TRMT1L: variants seen among roughly 807,000 people sequenced by gnomAD.
TRMT1L encodes tRNA (guanine(27)-N(2))-dimethyltransferase.
Under a neutral mutation model 81.6 loss-of-function variants are expected in TRMT1L, and 28 were observed. That is an observed-to-expected ratio of 0.34 (90% CI 0.25 to 0.47). TRMT1L has a LOEUF of 0.47. Ranked by LOEUF, TRMT1L falls within the 20% of genes least tolerant of loss-of-function variation. The pLI, the probability that TRMT1L is intolerant of heterozygous loss-of-function variation, is 1.00. For synonymous variants in TRMT1L, 301 were observed against 303.2 expected (o/e 0.99, Z 0.07); for missense variants, 739 against 877.1 (o/e 0.84, Z 1.99).
chr1:185,124,928 G>A lies in TRMT1L; in HGVS notation c.1759+16C>T. On this transcript the variant is annotated intron_variant, in intron 12 of 14. Transcript: ENST00000367506. ...TAAGCAGTTTAAAGCTAGTAAGCTA[G>A]CGTTCAGTTAGTCACCTTGCTTGTT... 6.2e-7 allele frequency: 1 copy of A among 1,602,052 alleles called. No homozygotes were observed. The highest frequency in any genetic ancestry group is 8.5e-7 in the Non-Finnish European group (1 of 1,173,412).
chr1:185,130,503 T>C (rs536263693), intron 10 of TRMT1L, among the ~76,000 whole-genome samples: 3 of 152,278 alleles, frequency 2.0e-5, no homozygotes, highest in South Asian at 2.1e-4. Flanking sequence ...CTGAAATGGA[T>C]AGATGGGCAA....
At position 185,156,734 on chromosome 1, in the gene TRMT1L, C is replaced by G; in HGVS notation, c.-22G>C. 1.2e-6 allele frequency: 2 copies of G among 1,611,946 alleles called. No individual in the cohort carries two copies. Among genetic ancestry groups the G allele is most frequent in the Non-Finnish European group, 1.7e-6 (2 of 1,179,538 alleles). On this transcript the variant is annotated 5_prime_UTR_variant, in exon 1 of 15. Transcript: ENST00000367506. Reference sequence around the variant, plus strand: ...CCATAGTTACCGCCTCCGTGCCAAGCCCGCCCGGGGACCCGGAGCGGGGCT... The same window carrying G: ...CCATAGTTACCGCCTCCGTGCCAAGGCCGCCCGGGGACCCGGAGCGGGGCT...
chr1:185,146,111 T>C (rs1388981338), intron 4 of TRMT1L, among the ~76,000 whole-genome samples: 1 of 152,008 alleles, frequency 6.6e-6, no homozygotes, highest in East Asian at 1.9e-4. Context: ...ACAGATAATA[T>C]TAAAATACAG....
Position 185,120,287 on chromosome 1 carries a change from G to GAA in TRMT1L, c.1950-18_1950-17dup. ...CTTTTTTAACCTGCAAAAAGGAAAG[G>GAA]AAAGAAAAAATAATCAGGTTCTTGT... On this transcript the variant is annotated splice_polypyrimidine_tract_variant and intron_variant, in intron 14 of 14. Transcript: ENST00000367506. 1 of 1,508,186 alleles carries GAA rather than the reference G, an allele frequency of 6.6e-7. No individual in the cohort carries two copies. Among genetic ancestry groups the GAA allele is most frequent in the Non-Finnish European group, 8.9e-7 (1 of 1,129,628 alleles). The allele number at this position is 1,508,186 out of a possible 1,614,324, so 93.4% of individuals were successfully genotyped here.
At chr1:185,150,552 C>T (rs1653315872) in intron 2 of TRMT1L, 60 bp from the exon 3 acceptor site, 1 of 1,241,766 alleles carries the variant, frequency 8.1e-7, no homozygotes, top group Non-Finnish European at 1.2e-6. Flanking sequence ...TGCCTGGATT[C>T]AACTACAAAG....
intron 7 of TRMT1L, among the ~76,000 whole-genome samples, chr1:185,143,150 A>G (rs1653094813): frequency 6.6e-6 from 1 of 152,140 alleles, no homozygotes; most frequent in Non-Finnish European, 1.5e-5. Context: ...CTGAGCATGA[A>G]CCACTCATTT....
In TRMT1L at chr1:185,143,967, G is replaced by A. The variant is rs535319004; in HGVS notation, c.718C>T (p.Pro240Ser). 6.2e-7 allele frequency: 1 copy of A among 1,610,562 alleles called. No individual in the cohort carries two copies. Among genetic ancestry groups the A allele is most frequent in the South Asian group, 1.1e-5 (1 of 90,782 alleles). ...GTTTTCTGAGGTATAGAATAGTTGG[G>A]ACAAACTTGTACATCCGTGTCTGCC... is the stretch of plus-strand genomic sequence containing the variant. ...KEADTDVQVC[P>S]NYSIPQKTDS... Residue 240 changes from proline (P) to serine (S), a missense_variant, in exon 6 of 15, where the codon CCC becomes TCC. Pro to Ser is a moderately conservative substitution (Grantham distance 74, BLOSUM62 -1). This residue lies in a region of TRMT1L where 331 missense variants were observed against 462.2 expected (regional missense o/e 0.72). Coordinates refer to ENST00000367506, the MANE Select transcript of TRMT1L (RefSeq NM_030934.5).
In TRMT1L at chr1:185,156,741, G is replaced by T; in HGVS notation, c.-29C>A. On this transcript the variant is annotated 5_prime_UTR_variant, in exon 1 of 15. Transcript: ENST00000367506. ...TACCGCCTCCGTGCCAAGCCCGCCC[G>T]GGGACCCGGAGCGGGGCTCACGGCG... 6.2e-7 allele frequency: 1 copy of T among 1,611,164 alleles called. No individual in the cohort carries two copies. The highest frequency in any genetic ancestry group is 8.5e-7 in the Non-Finnish European group (1 of 1,179,246).
At chr1:185,139,615 T>C (rs1652985265) in intron 8 of TRMT1L, 36 bp from the exon 9 acceptor site, 1 of 1,445,138 alleles carries the variant, frequency 6.9e-7, no homozygotes, top group Non-Finnish European at 9.4e-7. Context: ...TTTAAAGTCA[T>C]ATTAGTAACA....
At chr1:185,121,835 C>T (rs552020177) in intron 13 of TRMT1L, among the ~76,000 whole-genome samples, 5 of 151,722 alleles carry the variant, frequency 3.3e-5, no homozygotes, top group Admixed American at 6.6e-5. Flanking sequence ...AGGTTTGTTA[C>T]GTGGGTATAT....
chr1:185,156,756 G>A lies in TRMT1L; in HGVS notation c.-44C>T, dbSNP rs915605471. 2.5e-6 allele frequency: 4 copies of A among 1,607,882 alleles called. No individual in the cohort carries two copies. The highest frequency in any genetic ancestry group is 1.3e-5 in the African/African-American group (1 of 74,784). Reference sequence around the variant, plus strand: ...AAGCCCGCCCGGGGACCCGGAGCGGGGCTCACGGCGGGGTCAGAGAACTGA... The same window carrying A: ...AAGCCCGCCCGGGGACCCGGAGCGGAGCTCACGGCGGGGTCAGAGAACTGA... On this transcript the variant is annotated 5_prime_UTR_variant, in exon 1 of 15. Transcript: ENST00000367506.
Position 185,139,545 on chromosome 1 carries a change from G to A in TRMT1L, c.1144C>T (p.Leu382=). 6.2e-7 allele frequency: 1 copy of A among 1,613,368 alleles called. No individual in the cohort carries two copies. The highest frequency in any genetic ancestry group is 8.5e-7 in the Non-Finnish European group (1 of 1,179,850). ...LDPFGTSVNY[L]DSAFRNIRNL... ...CTTATATTTCTGAATGCAGAATCTA[G>A]ATAATTCACTGATGTTCCAAAAGGG... The change falls in exon 9 of 15, where the codon CTA becomes TTA. Residue 382 remains leucine, a synonymous_variant. Coordinates refer to ENST00000367506, the MANE Select transcript of TRMT1L (RefSeq NM_030934.5).
intron 10 of TRMT1L, among the ~76,000 whole-genome samples, chr1:185,135,951 TAGTA>T (rs1652889865): frequency 6.6e-6 from 1 of 152,164 alleles, no homozygotes; most frequent in Admixed American, 6.5e-5. Flanking sequence ...TTAATCAAAT[TAGTA>T]AGCCTAAAGA....
intron 11 of TRMT1L, 105 bp from the exon 12 acceptor site, chr1:185,125,215 G>T (rs1652593157): frequency 1.5e-6 from 1 of 678,324 alleles, no homozygotes; most frequent in Non-Finnish European, 2.2e-6. Context: ...TTAATTATAT[G>T]ACAGAGTAAT....
rs562675595 is a variant in TRMT1L, at chr1:185,144,367, A to C, written c.656-338T>G. Among the ~76,000 whole-genome samples the C allele has an allele frequency of 6.6e-5, 10 of 152,100 alleles. No individual in the cohort carries two copies. The East Asian group carries it at 1.9e-3, about 29-fold the overall frequency. On this transcript the variant is annotated intron_variant, in intron 5 of 14. Coordinates refer to ENST00000367506, the MANE Select transcript of TRMT1L (RefSeq NM_030934.5). ...CCCTAGGAAAGCACAAAATCCTAAA[A>C]TACCTTTGTGGTTCATCAAACACTA...
intron 9 of TRMT1L, 66 bp downstream of exon 9, chr1:185,139,301 C>T (rs1652977024): frequency 5.2e-6 from 7 of 1,339,380 alleles, no homozygotes; most frequent in East Asian, 2.5e-5. Context: ...GTAAGTACTT[C>T]TTGTAATATT....
intron 13 of TRMT1L, 92 bp from the exon 14 acceptor site, chr1:185,120,601 A>G: frequency 1.7e-6 from 2 of 1,160,830 alleles, no homozygotes; most frequent in South Asian, 6.2e-5. Flanking sequence ...ATAAATCCTG[A>G]CACATTATTT....
intron 10 of TRMT1L, among the ~76,000 whole-genome samples, chr1:185,134,182 T>G (rs912089010): frequency 2.0e-5 from 3 of 152,138 alleles, no homozygotes; most frequent in African/African-American, 7.2e-5. Flanking sequence ...CTATTTGACT[T>G]TTTTTTCTTT....
intron 10 of TRMT1L, among the ~76,000 whole-genome samples, chr1:185,132,982 C>G (rs1482310755): frequency 6.6e-6 from 1 of 152,104 alleles, no homozygotes; most frequent in East Asian, 1.9e-4. Flanking sequence ...CAGATTTCAG[C>G]AGATACAGAA....
Sources: gnomAD v4.1 joint callset for allele counts (sites outside exome capture counted in the v4.1 genomes callset) on GRCh38, gnomAD v4.1.1 for gene constraint, gnomAD v4.1.1 regional missense constraint, MANE v1.5 for transcripts, NCBI Gene and HGNC (gene_info 2026-07-23, HGNC 2026-07-21) for gene names.